The following KCNQ1 variants were observed in gnomAD, a reference collection of about 807,000 sequenced individuals.
KCNQ1 encodes potassium voltage-gated channel subfamily Q member 1.
KCNQ1 carries 49 observed loss-of-function variants against 72.4 expected under a neutral mutation model. The observed-to-expected ratio is 0.68, with a 90% confidence interval of 0.54 to 0.86. The LOEUF (loss-of-function observed/expected upper bound fraction) is 0.86. KCNQ1 is among the 40% of genes least tolerant of loss of function. The pLI, the probability that KCNQ1 is intolerant of heterozygous loss-of-function variation, is 0.00. For synonymous variants in KCNQ1, 450 were observed against 412.6 expected (o/e 1.09, Z -1.10); for missense variants, 790 against 945.1 (o/e 0.84, Z 2.15).
intron 10 of KCNQ1, chr11:2,649,099 G>A (rs1849717906): frequency 2.5e-6 from 1 of 393,670 alleles, no homozygotes; most frequent in Non-Finnish European, 4.4e-6. Context: ...GTCTATGGGT[G>A]TCTTTACAGG....
chr11:2,551,662 C>T (rs11824739), intron 2 of KCNQ1, among the ~76,000 whole-genome samples: 2,401 of 152,302 alleles, frequency 0.016, 64 homozygotes, highest in African/African-American at 0.053. Context: ...ATTTTCCTTT[C>T]GAAGAAACTG....
At chr11:2,694,833 T>C in intron 11 of KCNQ1, 1 of 398,588 alleles carries the variant, frequency 2.5e-6, no homozygotes, top group East Asian at 3.6e-5. Flanking sequence ...GGATGACAGA[T>C]ATGGCAGGTC....
chr11:2,521,536 G>C (rs1236762602), intron 1 of KCNQ1: 1 of 470,766 alleles, frequency 2.1e-6, no homozygotes, highest in African/African-American at 2.0e-5. Flanking sequence ...ACGCTCCAGT[G>C]GTTACACGCC....
chr11:2,785,052 A>C lies in KCNQ1; in HGVS notation c.1794+7015A>C, dbSNP rs1215330134. On this transcript the variant is annotated intron_variant, in intron 15 of 15. Transcript: ENST00000155840. This position sits in a 1 kb window ranked among gnomAD's most constrained non-coding sequence, Gnocchi z 4.4. ...TAATTGCACTGGCTTGAACTTCAAA[A>C]AAAATATTGACTAGAAGTGCTAGAG... is the stretch of plus-strand genomic sequence containing the variant. Among the ~76,000 whole-genome samples, 2 of 152,052 alleles carry C rather than the reference A, an allele frequency of 1.3e-5. No homozygotes were observed. Among genetic ancestry groups the C allele is most frequent in the Non-Finnish European group, 2.9e-5 (2 of 67,868 alleles).
chr11:2,622,991 CAA>C (rs1194557778), intron 10 of KCNQ1: 1 of 398,476 alleles, frequency 2.5e-6, no homozygotes, highest in Non-Finnish European at 4.4e-6. Flanking sequence ...TGTTCCCACC[CAA>C]ATCTCATCTT....
chr11:2,729,729 G>C (rs1845821198), intron 11 of KCNQ1, among the ~76,000 whole-genome samples: 1 of 152,210 alleles, frequency 6.6e-6, no homozygotes, highest in Non-Finnish European at 1.5e-5. Context: ...ACACCATTTC[G>C]TATCGGGGGC....
chr11:2,800,250 A>T (rs1445198766), intron 15 of KCNQ1, among the ~76,000 whole-genome samples: 1 of 152,206 alleles, frequency 6.6e-6, no homozygotes, highest in African/African-American at 2.4e-5. Flanking sequence ...CAGTGGCCTG[A>T]GGGTGTGGGA....
In KCNQ1 at chr11:2,698,757, T is replaced by A. The variant is rs1850720241; in HGVS notation, c.1514+36676T>A. 2.5e-6 allele frequency: 1 copy of A among 398,448 alleles called. No individual in the cohort carries two copies. Among genetic ancestry groups the A allele is most frequent in the East Asian group, 3.6e-5 (1 of 28,046 alleles). The allele number at this position is 398,448 out of a possible 1,614,324, so 24.7% of individuals were successfully genotyped here. A position where few individuals can be genotyped will look rare whatever the true frequency, so the allele number is the denominator to read the frequency against. On this transcript the variant is annotated intron_variant, in intron 11 of 15. Coordinates refer to ENST00000155840, the MANE Select transcript of KCNQ1 (RefSeq NM_000218.3). This position sits in a 1 kb window ranked among gnomAD's most constrained non-coding sequence, Gnocchi z 5.1. ...TCCCTTGGATCTCAACTCAGAGCCATGATGCAGACTCCAGACCGGGATTCA... is the reference window on the plus strand; with the variant it reads ...TCCCTTGGATCTCAACTCAGAGCCAAGATGCAGACTCCAGACCGGGATTCA...
chr11:2,512,446 C>T (rs1433700875), intron 1 of KCNQ1, among the ~76,000 whole-genome samples: 4 of 152,192 alleles, frequency 2.6e-5, no homozygotes, highest in Non-Finnish European at 5.9e-5. Context: ...ATCCTTGCCC[C>T]CACACACCCA....
chr11:2,566,017 G>T lies in KCNQ1; in HGVS notation c.478-4611G>T, dbSNP rs1245605526. Among the ~76,000 whole-genome samples, 1 of 152,036 alleles carries T rather than the reference G, an allele frequency of 6.6e-6. No homozygotes were observed. Among genetic ancestry groups the T allele is most frequent in the African/African-American group, 2.4e-5 (1 of 41,396 alleles). The stretch of plus-strand genomic sequence containing the variant: ...GGCTGCCCACTAGATGACCACCAAG[G>T]CAGGGCGGCTGGTGGTGCTGACGGC... On this transcript the variant is annotated intron_variant, in intron 2 of 15. Coordinates refer to ENST00000155840, the MANE Select transcript of KCNQ1 (RefSeq NM_000218.3). This position sits in a 1 kb window ranked among gnomAD's most constrained non-coding sequence, Gnocchi z 6.7.
At chr11:2,625,580 T>G (rs1418621845) in intron 10 of KCNQ1, 1 of 12,858 alleles carries the variant, frequency 7.8e-5, no homozygotes, top group East Asian at 1.9e-3. Context: ...CCTTTGCCCT[T>G]TTTTTTTTTT....
chr11:2,775,876 G>A (rs1024152156), intron 12 of KCNQ1, 84 bp from the exon 13 acceptor site: 5 of 1,340,538 alleles, frequency 3.7e-6, no homozygotes, highest in Non-Finnish European at 5.2e-6. Flanking sequence ...GCCTCCCGAG[G>A]GCAGACACTG....
intron 15 of KCNQ1, among the ~76,000 whole-genome samples, chr11:2,793,181 G>A (rs1308876938): frequency 6.6e-6 from 1 of 152,206 alleles, no homozygotes. Context: ...GGCCCGCCTG[G>A]GTGCACCCGA....
At chr11:2,649,196 T>G in intron 10 of KCNQ1, 1 of 398,354 alleles carries the variant, frequency 2.5e-6, no homozygotes, top group Non-Finnish European at 4.4e-6. Context: ...TTGGGAAATT[T>G]AAATTACCTA....
rs1430393587 is a variant in KCNQ1 at position 2,663,941 on chromosome 11, G to A, written c.1514+1860G>A. 2 of 398,570 alleles carry A rather than the reference G, an allele frequency of 5.0e-6. No homozygotes were observed. Among genetic ancestry groups the A allele is most frequent in the Non-Finnish European group, 8.8e-6 (2 of 226,110 alleles). The allele number at this position is 398,570 out of a possible 1,614,324, so 24.7% of individuals were successfully genotyped here. ...CTGGGCTGTTTCTTGTTCCACTCCA[G>A]GATGACAGGGCCTGAGAGACCTGAA... is the stretch of plus-strand genomic sequence containing the variant. On this transcript the variant is annotated intron_variant, in intron 11 of 15. Coordinates refer to ENST00000155840, the MANE Select transcript of KCNQ1 (RefSeq NM_000218.3). This position sits in a 1 kb window ranked among gnomAD's most constrained non-coding sequence, Gnocchi z 5.2.
chr11:2,617,632 C>T lies in KCNQ1; in HGVS notation c.1393+28778C>T. The T allele has an allele frequency of 2.5e-6, 1 of 398,418 alleles. No homozygotes were observed. The allele number at this position is 398,418 out of a possible 1,614,324, so 24.7% of individuals were successfully genotyped here. A position where few individuals can be genotyped will look rare whatever the true frequency, so the allele number is the denominator to read the frequency against. ...GTATATTTTCAATTTCTTTAGGAGC[C>T]ACCATTCTGTTTTTCATTATGACTG... On this transcript the variant is annotated intron_variant, in intron 10 of 15. Coordinates refer to ENST00000155840, the MANE Select transcript of KCNQ1 (RefSeq NM_000218.3). This position sits in a 1 kb window ranked among gnomAD's most constrained non-coding sequence, Gnocchi z 4.6.
At chr11:2,822,637 G>T (rs460925) in intron 15 of KCNQ1, among the ~76,000 whole-genome samples, 1 of 152,222 alleles carries the variant, frequency 6.6e-6, no homozygotes, top group Non-Finnish European at 1.5e-5. Context: ...CATGGGCCAA[G>T]GCCCCAAGGC....
intron 2 of KCNQ1, among the ~76,000 whole-genome samples, chr11:2,555,705 G>A (rs1848060285): frequency 6.6e-6 from 1 of 152,372 alleles, no homozygotes; most frequent in African/African-American, 2.4e-5. Context: ...AGAGCCCTGA[G>A]TGCCTCCCAT....
At chr11:2,456,190 T>A (rs1846188749) in intron 1 of KCNQ1, among the ~76,000 whole-genome samples, 2 of 151,608 alleles carry the variant, frequency 1.3e-5, no homozygotes, top group Admixed American at 6.6e-5. Context: ...ATACAAAAAT[T>A]AGCTGGGTGT....
Sources: allele counts gnomAD v4.1 joint callset (sites outside exome capture counted in the v4.1 genomes callset), GRCh38; gene constraint gnomAD v4.1.1; non-coding constraint Gnocchi (gnomAD v3.1); transcripts MANE v1.5; gene names NCBI Gene and HGNC (gene_info 2026-07-23, HGNC 2026-07-21).